Variants in MYCBP2 observed in about 807,000 individuals in gnomAD.
MYCBP2 encodes E3 ubiquitin-protein ligase MYCBP2.
A neutral mutation model predicts 525.3 loss-of-function variants in MYCBP2; 120 were observed. The observed-to-expected ratio is 0.23, with a 90% CI of 0.20 to 0.27. MYCBP2 has a LOEUF of 0.27. MYCBP2 is among the 10% of genes least tolerant of loss of function. MYCBP2 has a pLI of 1.00. For synonymous variants in MYCBP2, 1,894 were observed against 1,955.8 expected, an observed-to-expected ratio of 0.97 and a Z score of 0.83; for missense variants, 4,149 against 5,657.1, an observed-to-expected ratio of 0.73 and a Z score of 8.55.
intron 47 of MYCBP2, 130 bp downstream of exon 47, chr13:77,150,604 G>C (rs2056323038): frequency 1.4e-6 from 1 of 714,536 alleles, no homozygotes; most frequent in Non-Finnish European, 2.3e-6. Context: ...AATAAGTGTT[G>C]CTGCAAATTT....
At chr13:77,311,965 C>T (rs972621963) in intron 1 of MYCBP2, among the ~76,000 whole-genome samples, 5 of 151,808 alleles carry the variant, frequency 3.3e-5, no homozygotes, top group African/African-American at 1.2e-4. Flanking sequence ...CTGCTGAAAA[C>T]CAAAAACAAA....
At chr13:77,244,407 T>C (rs981045494) in intron 15 of MYCBP2, among the ~76,000 whole-genome samples, 1 of 152,190 alleles carries the variant, frequency 6.6e-6, no homozygotes, top group Admixed American at 6.5e-5. Context: ...TCATGTAATA[T>C]GTCTCCTTCC....
At chr13:77,112,438 A>G (rs765454973) in intron 55 of MYCBP2, among the ~76,000 whole-genome samples, 56 of 149,378 alleles carry the variant, frequency 3.7e-4, no homozygotes, top group Non-Finnish European at 7.0e-4. Flanking sequence ...ATATATACAT[A>G]TTAGAGACAA....
At chr13:77,228,748 C>G (rs1332508292) in intron 18 of MYCBP2, among the ~76,000 whole-genome samples, 1 of 149,604 alleles carries the variant, frequency 6.7e-6, no homozygotes, top group Non-Finnish European at 1.5e-5. Flanking sequence ...AACACTGAAA[C>G]TACAGTAGCT....
At position 77,288,235 on chromosome 13, in the gene MYCBP2, T is replaced by A; in HGVS notation, c.520A>T (p.Asn174Tyr). 3 of 1,614,206 alleles carry A rather than the reference T, an allele frequency of 1.9e-6. No individual in the cohort carries two copies. The highest frequency in any genetic ancestry group is 2.5e-6 in the Non-Finnish European group (3 of 1,180,034). The change falls in exon 3 of 83, where the codon AAC becomes TAC. Residue 174 changes from asparagine (N) to tyrosine (Y), a missense_variant. Around this residue, in one of 21 missense-constraint regions of MYCBP2, gnomAD observed 413 missense variants for 451.2 expected, o/e 0.92. Coordinates refer to ENST00000544440, the MANE Select transcript of MYCBP2 (RefSeq NM_015057.5). ...KEISLAAASK[N>Y]SVQSGESDSD... ...TCTGATTCTCCACTCTGCACAGAGTTCTTAGATGCGGCTGCCAATGATATT... is the reference window on the plus strand; with the variant it reads ...TCTGATTCTCCACTCTGCACAGAGTACTTAGATGCGGCTGCCAATGATATT...
chr13:77,181,337 G>T (rs77543341), intron 33 of MYCBP2, among the ~76,000 whole-genome samples: 1,941 of 151,740 alleles, frequency 0.013, 37 homozygotes, highest in African/African-American at 0.044. Flanking sequence ...TTTTCTTATT[G>T]TTCTATCTTA....
chr13:77,294,227 G>A (rs2077935868), intron 2 of MYCBP2, among the ~76,000 whole-genome samples: 1 of 148,234 alleles, frequency 6.7e-6, no homozygotes. Context: ...TTCAGAAAGA[G>A]GGTAGATGAA....
chr13:77,315,099 A>G (rs1405746187), intron 1 of MYCBP2, among the ~76,000 whole-genome samples: 1 of 152,224 alleles, frequency 6.6e-6, no homozygotes, highest in African/African-American at 2.4e-5. Context: ...GACATGAATA[A>G]TAACAGAAAA....
chr13:77,222,011 TAATAAC>T (rs1374391648), intron 20 of MYCBP2, among the ~76,000 whole-genome samples: 2 of 152,188 alleles, frequency 1.3e-5, no homozygotes, highest in African/African-American at 4.8e-5. Context: ...GTTTAGGAAA[TAATAAC>T]AAGACAAAAA....
chr13:77,172,041 T>C (rs977759979), intron 37 of MYCBP2, among the ~76,000 whole-genome samples: 3 of 151,968 alleles, frequency 2.0e-5, no homozygotes, highest in African/African-American at 7.3e-5. Context: ...GCTGGGATTA[T>C]AGGCATGCAC....
intron 52 of MYCBP2, among the ~76,000 whole-genome samples, chr13:77,131,679 A>G (rs2052881774): frequency 6.6e-6 from 1 of 152,214 alleles, no homozygotes; most frequent in African/African-American, 2.4e-5. Context: ...TTCACAGATT[A>G]TTATAAGCAC....
chr13:77,152,442 C>T (rs2056610146), intron 46 of MYCBP2, among the ~76,000 whole-genome samples: 1 of 152,190 alleles, frequency 6.6e-6, no homozygotes, highest in African/African-American at 2.4e-5. Flanking sequence ...AGGTGGTTCC[C>T]TGGCAAAGGC....
intron 15 of MYCBP2, among the ~76,000 whole-genome samples, chr13:77,245,489 A>G (rs1258381608): frequency 6.6e-6 from 1 of 152,060 alleles, no homozygotes; most frequent in East Asian, 1.9e-4. Context: ...CATCATTCTC[A>G]GCAAACTAAC....
chr13:77,286,789 A>AAAAAATAT (rs2076859155), intron 3 of MYCBP2, among the ~76,000 whole-genome samples: 2 of 42,296 alleles, frequency 4.7e-5, no homozygotes, highest in Non-Finnish European at 7.7e-5. Context: ...AAAAAAAAAA[A>AAAAAATAT]ATATATATAT....
intron 63 of MYCBP2, among the ~76,000 whole-genome samples, chr13:77,082,729 C>T (rs1282747993): frequency 2.6e-5 from 4 of 152,218 alleles, no homozygotes; most frequent in East Asian, 3.9e-4. Context: ...CATTTTCCCT[C>T]TCTCTTTTTG....
chr13:77,318,509 A>G (rs1318128800), intron 1 of MYCBP2, among the ~76,000 whole-genome samples: 1 of 152,236 alleles, frequency 6.6e-6, no homozygotes, highest in African/African-American at 2.4e-5. Context: ...TAATCCCAGC[A>G]CTTTGGGAGA....
At chr13:77,053,898 T>C (rs1481041097) in intron 80 of MYCBP2, among the ~76,000 whole-genome samples, 1 of 152,102 alleles carries the variant, frequency 6.6e-6, no homozygotes. Flanking sequence ...GTACTAGAGA[T>C]AGAAAAATGA....
intron 3 of MYCBP2, among the ~76,000 whole-genome samples, chr13:77,284,012 G>A (rs1216521383): frequency 6.6e-6 from 1 of 152,134 alleles, no homozygotes; most frequent in Admixed American, 6.5e-5. Context: ...TAATGTAGAA[G>A]CATTCAGGGA....
At chr13:77,305,803 A>G (rs1250715273) in intron 1 of MYCBP2, among the ~76,000 whole-genome samples, 3 of 152,178 alleles carry the variant, frequency 2.0e-5, no homozygotes, top group Non-Finnish European at 4.4e-5. Flanking sequence ...GATCACTTCA[A>G]TAGAAACAGA....
Sources: allele counts gnomAD v4.1 joint callset (sites outside exome capture counted in the v4.1 genomes callset), GRCh38; gene constraint gnomAD v4.1.1; regional missense constraint gnomAD v4.1.1; transcripts MANE v1.5; gene names NCBI Gene and HGNC (gene_info 2026-07-23, HGNC 2026-07-21).